Variants in ENOX1 observed in about 807,000 individuals in gnomAD.
ENOX1 encodes the protein candidate growth-related and time keeping constitutive hydroquinone (NADH) oxidase.
A neutral mutation model predicts 82.5 loss-of-function variants in ENOX1; 42 were observed. That is an observed-to-expected ratio of 0.51 (90% CI 0.40 to 0.66). The LOEUF (loss-of-function observed/expected upper bound fraction) is 0.66. Among genes scored for constraint, ENOX1 ranks in the 30% least tolerant of loss-of-function variants. ENOX1 has a pLI of 0.00. For synonymous variants in ENOX1, 271 were observed against 282.2 expected, an observed-to-expected ratio of 0.96 and a Z score of 0.40; for missense variants, 608 against 811.6, an observed-to-expected ratio of 0.75 and a Z score of 3.05.
chr13:43,370,353 C>T (rs868496133), intron 5 of ENOX1, among the ~76,000 whole-genome samples: 19 of 151,800 alleles, frequency 1.3e-4, no homozygotes, highest in African/African-American at 3.6e-4. Context: ...GGCAACACAG[C>T]GAGACTCCAT....
At chr13:43,764,556 G>A (rs574091768) in intron 1 of ENOX1, among the ~76,000 whole-genome samples, 1 of 151,822 alleles carries the variant, frequency 6.6e-6, no homozygotes, top group Non-Finnish European at 1.5e-5. Context: ...TTTGAAAGGG[G>A]ATTGTGTAAA....
At chr13:43,768,524 G>C (rs1324834028) in intron 1 of ENOX1, among the ~76,000 whole-genome samples, 1 of 152,200 alleles carries the variant, frequency 6.6e-6, no homozygotes, top group Admixed American at 6.5e-5. Context: ...TTGGGTAGCT[G>C]AGATGGAGAT....
intron 12 of ENOX1, among the ~76,000 whole-genome samples, chr13:43,278,303 A>G (rs2045179374): frequency 6.6e-6 from 1 of 152,194 alleles, no homozygotes; most frequent in South Asian, 2.1e-4. Context: ...CACATGACTT[A>G]GCTGCACACA....
intron 3 of ENOX1, among the ~76,000 whole-genome samples, chr13:43,457,262 T>C (rs9533489): frequency 0.44 from 67,568 of 151,970 alleles, 15,503 homozygotes; most frequent in Non-Finnish European, 0.5. Flanking sequence ...TATGAGTTAC[T>C]TGGACAAACT....
chr13:43,609,856 A>C (rs1468182360), intron 2 of ENOX1: 1 of 921,274 alleles, frequency 1.1e-6, no homozygotes, highest in East Asian at 1.2e-4. Flanking sequence ...AAGTAAGAAA[A>C]ACATTAATCT....
At chr13:43,246,622 G>A (rs2043095197) in intron 14 of ENOX1, among the ~76,000 whole-genome samples, 1 of 152,216 alleles carries the variant, frequency 6.6e-6, no homozygotes, top group Non-Finnish European at 1.5e-5. Context: ...CAAAGGCAGA[G>A]TGCTGGGGCC....
chr13:43,750,865 A>G (rs967438856), intron 1 of ENOX1, among the ~76,000 whole-genome samples: 3 of 152,202 alleles, frequency 2.0e-5, no homozygotes, highest in African/African-American at 7.2e-5. Flanking sequence ...TTATTTAACT[A>G]AAATCCTACA....
At chr13:43,469,474 A>T (rs1375104829) in intron 3 of ENOX1, among the ~76,000 whole-genome samples, 1 of 151,998 alleles carries the variant, frequency 6.6e-6, no homozygotes, top group Non-Finnish European at 1.5e-5. Flanking sequence ...TTACAATTGT[A>T]GTTTCATCTA....
At chr13:43,523,430 G>A (rs960271648) in intron 2 of ENOX1, among the ~76,000 whole-genome samples, 3 of 152,094 alleles carry the variant, frequency 2.0e-5, no homozygotes, top group African/African-American at 7.2e-5. Flanking sequence ...AGAGAATAAG[G>A]GAAAGGAAGA....
intron 14 of ENOX1, among the ~76,000 whole-genome samples, chr13:43,238,214 T>G (rs2042643022): frequency 6.6e-6 from 1 of 152,138 alleles, no homozygotes; most frequent in Non-Finnish European, 1.5e-5. Flanking sequence ...CATCAAAGGT[T>G]ACTAGAGATG....
At chr13:43,727,103 T>C (rs144170584) in intron 1 of ENOX1, among the ~76,000 whole-genome samples, 1 of 152,166 alleles carries the variant, frequency 6.6e-6, no homozygotes, top group African/African-American at 2.4e-5. Flanking sequence ...CTCTCCTTCA[T>C]GGGTGCTGGT....
intron 3 of ENOX1, among the ~76,000 whole-genome samples, chr13:43,414,474 T>C (rs1254308823): frequency 1.3e-5 from 2 of 152,212 alleles, no homozygotes; most frequent in African/African-American, 2.4e-5. Flanking sequence ...TCAATTATCT[T>C]AGGCTATGGG....
Position 43,470,327 on chromosome 13 carries a change from T to C in ENOX1, c.-75+13682A>G, listed in dbSNP as rs1255827602. ...ATATACATATATATACACATATATA[T>C]ATGTATATATATACGTATATATATA... On this transcript the variant is annotated intron_variant, in intron 3 of 16. Transcript: ENST00000690772. Among the ~76,000 whole-genome samples, 10 of 57,374 alleles carry C rather than the reference T, an allele frequency of 1.7e-4. 2 individuals are homozygous for C. In the East Asian group the frequency reaches 3.8e-3, roughly 22 times the overall value. The allele number at this position is 57,374 out of a possible 152,430, so 37.6% of individuals were successfully genotyped here.
At chr13:43,493,723 G>C (rs1257103875) in intron 2 of ENOX1, among the ~76,000 whole-genome samples, 1 of 152,152 alleles carries the variant, frequency 6.6e-6, no homozygotes, top group African/African-American at 2.4e-5. Flanking sequence ...CAGTCCATCT[G>C]GGTTTCCCTT....
intron 3 of ENOX1, among the ~76,000 whole-genome samples, chr13:43,439,969 G>A (rs2056273482): frequency 6.6e-6 from 1 of 152,086 alleles, no homozygotes. Context: ...TACAGCTATA[G>A]GCAAAACATG....
intron 2 of ENOX1, among the ~76,000 whole-genome samples, chr13:43,620,216 T>C (rs1424302497): frequency 6.6e-6 from 1 of 151,988 alleles, no homozygotes; most frequent in African/African-American, 2.4e-5. Flanking sequence ...TTTTCCTTTA[T>C]CTTTTATATT....
At chr13:43,680,277 T>A (rs983892884) in intron 1 of ENOX1, among the ~76,000 whole-genome samples, 1 of 152,190 alleles carries the variant, frequency 6.6e-6, no homozygotes, top group African/African-American at 2.4e-5. Context: ...AAGAAGTAGA[T>A]GCTTTCAAAT....
At chr13:43,667,875 T>G (rs2085064881) in intron 1 of ENOX1, among the ~76,000 whole-genome samples, 1 of 152,160 alleles carries the variant, frequency 6.6e-6, no homozygotes, top group Admixed American at 6.5e-5. Flanking sequence ...CTCCCAAATC[T>G]AAGAAAGCCT....
intron 2 of ENOX1, among the ~76,000 whole-genome samples, chr13:43,498,702 G>A (rs1462093384): frequency 1.3e-5 from 2 of 151,924 alleles, no homozygotes. Context: ...AAAACTCAAT[G>A]ATGAATACAA....
Sources: gnomAD v4.1 joint callset for allele counts (sites outside exome capture counted in the v4.1 genomes callset) on GRCh38, gnomAD v4.1.1 for gene constraint, MANE v1.5 for transcripts, NCBI Gene and HGNC (gene_info 2026-07-23, HGNC 2026-07-21) for gene names.